Variants in MCU observed in about 807,000 individuals in gnomAD.
The protein encoded by MCU is mitochondrial calcium uniporter.
MCU carries 12 observed loss-of-function variants against 45.2 expected under a neutral mutation model. That is an observed-to-expected ratio of 0.27 (90% confidence interval 0.17 to 0.43). The LOEUF is 0.43. MCU is among the 20% of genes least tolerant of loss of function. The pLI is 1.00. For missense variants in MCU, 324 were observed against 436.7 expected, an observed-to-expected ratio of 0.74 and a Z score of 2.30; for synonymous variants, 160 against 165.1, an observed-to-expected ratio of 0.97 and a Z score of 0.24.
chr10:72,704,680 G>C (rs543054810), intron 1 of MCU, among the ~76,000 whole-genome samples: 16 of 149,954 alleles, frequency 1.1e-4, no homozygotes, highest in African/African-American at 3.9e-4. Flanking sequence ...TGGGACTACA[G>C]GCATGCACTG....
At chr10:72,808,631 C>G (rs1221032730) in intron 1 of MCU, among the ~76,000 whole-genome samples, 1 of 152,148 alleles carries the variant, frequency 6.6e-6, no homozygotes, top group East Asian at 1.9e-4. Context: ...TAAAGAACTA[C>G]TCGAGACTGG....
chr10:72,787,620 A>G (rs925285678), intron 1 of MCU, among the ~76,000 whole-genome samples: 3 of 152,098 alleles, frequency 2.0e-5, no homozygotes, highest in African/African-American at 4.8e-5. Flanking sequence ...TTATAAACCA[A>G]TATATGTCTA....
At chr10:72,864,280 A>C (rs1845421252) in intron 4 of MCU, among the ~76,000 whole-genome samples, 1 of 152,110 alleles carries the variant, frequency 6.6e-6, no homozygotes, top group Non-Finnish European at 1.5e-5. Flanking sequence ...AGTTCTCAAA[A>C]TTTTTTTGTG....
chr10:72,729,555 G>T (rs1010548175), intron 1 of MCU, among the ~76,000 whole-genome samples: 1 of 152,190 alleles, frequency 6.6e-6, no homozygotes, highest in Admixed American at 6.5e-5. Flanking sequence ...TTCAGTTTTG[G>T]AATGTTAGAA....
At position 72,868,869 on chromosome 10, in the gene MCU, A is replaced by G; in HGVS notation, c.657+6A>G. On this transcript the variant is annotated splice_donor_region_variant and intron_variant, in intron 5 of 7. Transcript: ENST00000373053. ...AGCTGGCTCCCCTGGAAAAGGTAAAACTTCCAATCTCAGGTTTTTTACCTT... is the reference window on the plus strand; with the variant it reads ...AGCTGGCTCCCCTGGAAAAGGTAAAGCTTCCAATCTCAGGTTTTTTACCTT... 6.2e-7 allele frequency: 1 copy of G among 1,611,358 alleles called. No individual in the cohort carries two copies. The highest frequency in any genetic ancestry group is 8.5e-7 in the Non-Finnish European group (1 of 1,179,224).
chr10:72,754,179 C>T (rs1843541935), intron 1 of MCU, among the ~76,000 whole-genome samples: 1 of 152,142 alleles, frequency 6.6e-6, no homozygotes, highest in African/African-American at 2.4e-5. Context: ...GGGACCTGTG[C>T]TTAGATGCCA....
At chr10:72,706,827 A>G (rs905001700) in intron 1 of MCU, among the ~76,000 whole-genome samples, 3 of 136,962 alleles carry the variant, frequency 2.2e-5, no homozygotes, top group Non-Finnish European at 4.6e-5. Flanking sequence ...AAACCACCGC[A>G]CCCGGCCTTT....
chr10:72,721,335 A>T (rs973502015), intron 1 of MCU, among the ~76,000 whole-genome samples: 1 of 152,102 alleles, frequency 6.6e-6, no homozygotes, highest in Non-Finnish European at 1.5e-5. Context: ...GATTTGTAGC[A>T]TTTGCCTGTT....
chr10:72,763,267 A>T (rs1843679822), intron 1 of MCU, among the ~76,000 whole-genome samples: 1 of 152,166 alleles, frequency 6.6e-6, no homozygotes, highest in Non-Finnish European at 1.5e-5. Context: ...GGGCATGGAC[A>T]CATTTTGGGG....
At chr10:72,823,260 T>C (rs1844741685) in intron 1 of MCU, among the ~76,000 whole-genome samples, 1 of 152,190 alleles carries the variant, frequency 6.6e-6, no homozygotes, top group South Asian at 2.1e-4. Context: ...AAGAAGGCAG[T>C]CACAAAAAGA....
intron 1 of MCU, among the ~76,000 whole-genome samples, chr10:72,805,670 A>G (rs1207331610): frequency 3.9e-5 from 6 of 152,072 alleles, no homozygotes; most frequent in African/African-American, 4.8e-5. Context: ...GAATAAACCA[A>G]TTCAACTGTG....
At chr10:72,865,981 G>T (rs1249112725) in intron 4 of MCU, among the ~76,000 whole-genome samples, 5 of 152,078 alleles carry the variant, frequency 3.3e-5, no homozygotes, top group African/African-American at 1.2e-4. Flanking sequence ...GTTTCACCAT[G>T]TTAGCCAGAA....
intron 2 of MCU, among the ~76,000 whole-genome samples, chr10:72,839,361 C>G (rs1207725059): frequency 2.0e-5 from 3 of 151,774 alleles, no homozygotes; most frequent in Admixed American, 2.0e-4. Context: ...TTTTAAGTTC[C>G]CCAGTTCTAA....
intron 1 of MCU, among the ~76,000 whole-genome samples, chr10:72,805,170 TC>T: frequency 7.1e-6 from 1 of 141,498 alleles, no homozygotes; most frequent in African/African-American, 3.1e-5. Context: ...TGTCTCTCTC[TC>T]TCTCTCTTTC....
intron 6 of MCU, among the ~76,000 whole-genome samples, chr10:72,878,710 C>T (rs1845654129): frequency 6.6e-6 from 1 of 151,918 alleles, no homozygotes; most frequent in Non-Finnish European, 1.5e-5. Context: ...AAATAGTGAC[C>T]TTGAGTAAGG....
intron 1 of MCU, among the ~76,000 whole-genome samples, chr10:72,829,976 T>C (rs1170702373): frequency 1.3e-5 from 2 of 152,238 alleles, no homozygotes; most frequent in Non-Finnish European, 2.9e-5. Context: ...ATTATAGAAG[T>C]AGGCGGGAAG....
chr10:72,864,152 AGT>A (rs1454380213), intron 4 of MCU, among the ~76,000 whole-genome samples: 1 of 152,168 alleles, frequency 6.6e-6, no homozygotes, highest in African/African-American at 2.4e-5. Flanking sequence ...GGTAAACTCA[AGT>A]GTTTTTAATA....
intron 1 of MCU, among the ~76,000 whole-genome samples, chr10:72,713,002 A>G (rs973334505): frequency 6.6e-6 from 1 of 152,204 alleles, no homozygotes; most frequent in Admixed American, 6.5e-5. Context: ...CGGCAAGCAA[A>G]CACAAGCCAA....
intron 2 of MCU, among the ~76,000 whole-genome samples, chr10:72,858,397 A>AT (rs1698967357): frequency 6.6e-6 from 1 of 152,242 alleles, no homozygotes; most frequent in Non-Finnish European, 1.5e-5. Flanking sequence ...TAGACTGGCC[A>AT]GAACCACTCC....
Sources: gnomAD v4.1 joint callset for allele counts (sites outside exome capture counted in the v4.1 genomes callset) on GRCh38, gnomAD v4.1.1 for gene constraint, MANE v1.5 for transcripts, NCBI Gene and HGNC (gene_info 2026-07-23, HGNC 2026-07-21) for gene names.